Variants in NKPD1 observed in about 807,000 individuals in gnomAD.
NKPD1 encodes NTPase KAP family P-loop domain containing 1.
In NKPD1, 37 loss-of-function variants were observed where a neutral mutation model predicts 42.2. The ratio of observed to expected loss-of-function variants is 0.88; its 90% CI spans 0.67 to 1.15. The LOEUF (loss-of-function observed/expected upper bound fraction) is 1.15. Ranked by LOEUF, NKPD1 falls within the 50% of genes most tolerant of loss-of-function variation. The pLI is 0.00. For synonymous variants in NKPD1, 552 were observed against 536.5 expected (o/e 1.03, Z -0.40); for missense variants, 1,113 against 1,174.6 (o/e 0.95, Z 0.77).
At position 45,160,172 on chromosome 19, in the gene NKPD1, TG is replaced by T; in HGVS notation, c.-23del. Reference sequence around the variant, plus strand: ...GCATGGCAGCCGGGCAGCTGGGTGCTGGGGGCCTGCTCCTGAGGCAGGAGGG... The same window carrying T: ...GCATGGCAGCCGGGCAGCTGGGTGCTGGGGCCTGCTCCTGAGGCAGGAGGG... On this transcript the variant is annotated 5_prime_UTR_variant, in exon 2 of 5. Coordinates refer to ENST00000686631, the MANE Select transcript of NKPD1 (RefSeq NM_198478.4). 7.8e-7 allele frequency: 1 copy of T among 1,290,272 alleles called. No individual in the cohort carries two copies. Among genetic ancestry groups the T allele is most frequent in the Non-Finnish European group, 1.0e-6 (1 of 976,156 alleles). 79.9% of individuals were successfully genotyped at this position (1,290,272 alleles called of 1,614,324 possible). A position where few individuals can be genotyped will look rare whatever the true frequency, so the allele number is the denominator to read the frequency against.
Position 45,152,213 on chromosome 19 carries a change from AGCGCAGCAG to A in NKPD1, c.2215_2223del (p.Leu739_Arg741del). 6.2e-7 allele frequency: 1 copy of A among 1,601,544 alleles called. No individual in the cohort carries two copies. Among genetic ancestry groups the A allele is most frequent in the Non-Finnish European group, 8.5e-7 (1 of 1,175,286 alleles). On this transcript the variant is annotated inframe_deletion, in exon 5 of 5. Transcript: ENST00000686631. The stretch of plus-strand genomic sequence containing the variant: ...ATGGAGTGGTCCAGGTTGACCGTGC[AGCGCAGCAG>A]GCTCTGCGCCTCGGCCACGGTGAAG...
At position 45,155,802 on chromosome 19, in the gene NKPD1, A is replaced by G; in HGVS notation, c.644T>C (p.Met215Thr). 2 of 1,305,156 alleles carry G rather than the reference A, an allele frequency of 1.5e-6. No individual in the cohort carries two copies. The highest frequency in any genetic ancestry group is 2.0e-6 in the Non-Finnish European group (2 of 988,720). 80.8% of individuals were successfully genotyped at this position (1,305,156 alleles called of 1,614,324 possible). The change falls in exon 4 of 5, where the codon ATG becomes ACG. Residue 215 changes from methionine (M) to threonine (T), a missense_variant. Physicochemically the swap from Met to Thr is moderately conservative, Grantham distance 81. Transcript: ENST00000686631. ...CTCCTCACCCGTGATCTTGTCCAGC[A>G]TCATGTGCAGGCGGCAGCCGAAAGG... The part of the protein sequence containing the change: ...YAPFGCRLHM[M>T]LDKITALMQQ...
At chr19:45,157,011 G>A (rs535448732) in intron 3 of NKPD1, among the ~76,000 whole-genome samples, 1 of 152,318 alleles carries the variant, frequency 6.6e-6, no homozygotes, top group Admixed American at 6.5e-5. Flanking sequence ...CTGAGGCTCC[G>A]GTGACAGGGC....
intron 1 of NKPD1, among the ~76,000 whole-genome samples, 178 bp downstream of exon 1, chr19:45,160,747 C>G (rs1968989951): frequency 6.6e-6 from 1 of 151,958 alleles, no homozygotes; most frequent in African/African-American, 2.4e-5. Context: ...AGAGGCTCAG[C>G]AAACTCGGGC....
chr19:45,159,043 C>T lies in NKPD1; in HGVS notation c.149G>A (p.Arg50Gln), dbSNP rs1968958885. The T allele has an allele frequency of 3.1e-6, 4 of 1,299,598 alleles. No homozygotes were observed. The highest frequency in any genetic ancestry group is 5.6e-5 in the East Asian group (1 of 17,736). The allele number at this position is 1,299,598 out of a possible 1,614,324, so 80.5% of individuals were successfully genotyped here. ...SAALRAHGPC[R>Q]PSPQSHWQLA... ...CTGCCAGTGTGATTGGGGGGAAGGC[C>T]GACAGGGCCCATGGGCTCGGAGGGC... Residue 50 changes from arginine (R) to glutamine (Q), a missense_variant, in exon 3 of 5, where the codon CGG (arginine) becomes CAG (glutamine). Transcript: ENST00000686631.
At position 45,155,820 on chromosome 19, in the gene NKPD1, C is replaced by T; in HGVS notation, c.626G>A (p.Gly209Asp). The T allele has an allele frequency of 2.3e-6, 3 of 1,305,314 alleles. No individual in the cohort carries two copies. The highest frequency in any genetic ancestry group is 3.0e-6 in the Non-Finnish European group (3 of 988,858). 80.9% of individuals were successfully genotyped at this position (1,305,314 alleles called of 1,614,324 possible). A position where few individuals can be genotyped will look rare whatever the true frequency, so the allele number is the denominator to read the frequency against. Residue 209 changes from glycine to aspartate, a missense_variant, in exon 4 of 5, where the codon GGC (glycine) becomes GAC (aspartate). By Grantham distance (94) the Gly-to-Asp change is moderately conservative. Coordinates refer to ENST00000686631, the MANE Select transcript of NKPD1 (RefSeq NM_198478.4). ...GTCCAGCATCATGTGCAGGCGGCAG[C>T]CGAAAGGGGCATAGAAACCCACGGT... ...PVTVGFYAPF[G>D]CRLHMMLDKI...
chr19:45,154,793 G>T (rs950927098), intron 4 of NKPD1, among the ~76,000 whole-genome samples: 1 of 152,110 alleles, frequency 6.6e-6, no homozygotes, highest in Non-Finnish European at 1.5e-5. Flanking sequence ...GGGAGGCCGA[G>T]GTGGGCGGAT....
Position 45,153,251 on chromosome 19 carries a change from C to T in NKPD1, c.1186G>A (p.Val396Met), listed in dbSNP as rs769393955. Residue 396 changes from valine to methionine, a missense_variant, in exon 5 of 5, where the codon GTG becomes ATG. Val to Met is a conservative substitution (Grantham distance 21). Around this residue, in one of 3 missense-constraint regions of NKPD1, gnomAD observed 867 missense variants for 870.1 expected, o/e 1.00. Transcript: ENST00000686631. Reference sequence around the variant, plus strand: ...AACAGGTGCTTGCCCACCGAGTACACGGCCATGAGCAGCCCCGAGCCCGAC... The same window carrying T: ...AACAGGTGCTTGCCCACCGAGTACATGGCCATGAGCAGCCCCGAGCCCGAC... ...TLSGSGLLMA[V>M]YSVGKHLFVS... The T allele has an allele frequency of 1.2e-6, 2 of 1,602,738 alleles. No homozygotes were observed. The highest frequency in any genetic ancestry group is 1.7e-6 in the Non-Finnish European group (2 of 1,175,620).
At chr19:45,160,849 G>A (rs1451968825) in intron 1 of NKPD1, among the ~76,000 whole-genome samples, 76 bp downstream of exon 1, 1 of 151,898 alleles carries the variant, frequency 6.6e-6, no homozygotes, top group Admixed American at 6.6e-5. Context: ...AAGGCTGAGG[G>A]GCAGAGGAAA....
At chr19:45,157,578 A>AT (rs1212586398) in intron 3 of NKPD1, among the ~76,000 whole-genome samples, 1 of 151,878 alleles carries the variant, frequency 6.6e-6, no homozygotes, top group Non-Finnish European at 1.5e-5. Context: ...TGCTGGGCTA[A>AT]TTTTTTATTT....
chr19:45,154,593 G>A (rs1046751365), intron 4 of NKPD1, among the ~76,000 whole-genome samples: 1 of 152,186 alleles, frequency 6.6e-6, no homozygotes, highest in South Asian at 2.1e-4. Flanking sequence ...AGTGCTCAAT[G>A]GACAGTCAGT....
At position 45,152,733 on chromosome 19, in the gene NKPD1, G is replaced by A; in HGVS notation, c.1704C>T (p.Gly568=). 3 of 1,581,580 alleles carry A rather than the reference G, an allele frequency of 1.9e-6. No homozygotes were observed. Among genetic ancestry groups the A allele is most frequent in the Non-Finnish European group, 2.6e-6 (3 of 1,167,314 alleles). Residue 568 remains glycine (G), a synonymous_variant, in exon 5 of 5, where the codon GGC becomes GGT. Coordinates refer to ENST00000686631, the MANE Select transcript of NKPD1 (RefSeq NM_198478.4). ...RKPWLPGDAG[G]ESAQLLAVQA... ...GCACCGCCAGCAGCTGCGCGCTCTCGCCCCCGGCGTCCCCCGGCAGCCACG... is the reference window on the plus strand; with the variant it reads ...GCACCGCCAGCAGCTGCGCGCTCTCACCCCCGGCGTCCCCCGGCAGCCACG...
chr19:45,152,207 C>T lies in NKPD1; in HGVS notation c.2230G>A (p.Val744Ile), dbSNP rs1339230463. The change falls in exon 5 of 5, where the codon GTC (valine) becomes ATC (isoleucine). Residue 744 changes from valine to isoleucine, a missense_variant. Around this residue, in one of 3 missense-constraint regions of NKPD1, gnomAD observed 867 missense variants for 870.1 expected, o/e 1.00. Coordinates refer to ENST00000686631, the MANE Select transcript of NKPD1 (RefSeq NM_198478.4). ...AEAQSLLRCTVNLDHSIRRRM... is the reference protein window; with the variant it reads ...AEAQSLLRCTINLDHSIRRRM... Reference sequence around the variant, plus strand: ...CGGCGGATGGAGTGGTCCAGGTTGACCGTGCAGCGCAGCAGGCTCTGCGCC... The same window carrying T: ...CGGCGGATGGAGTGGTCCAGGTTGATCGTGCAGCGCAGCAGGCTCTGCGCC... 1.3e-6 allele frequency: 2 copies of T among 1,599,468 alleles called. No individual in the cohort carries two copies. Among genetic ancestry groups the T allele is most frequent in the Admixed American group, 1.7e-5 (1 of 57,686 alleles).
chr19:45,152,488 G>A lies in NKPD1; in HGVS notation c.1949C>T (p.Pro650Leu), dbSNP rs765787555. The change falls in exon 5 of 5, where the codon CCG becomes CTG. Residue 650 changes from proline to leucine, a missense_variant. Pro to Leu is a moderately conservative substitution (Grantham distance 98). Transcript: ENST00000686631. ...CACCACCCACGCCACCGCCTGGCGCGGCGTGGGGCCCCCAAAGTCCCCCTG... is the reference window on the plus strand; with the variant it reads ...CACCACCCACGCCACCGCCTGGCGCAGCGTGGGGCCCCCAAAGTCCCCCTG... ...QQQGDFGGPT[P>L]RQAVAWVVLA... The A allele has an allele frequency of 1.3e-6, 2 of 1,555,104 alleles. No homozygotes were observed. The highest frequency in any genetic ancestry group is 3.8e-5 in the Admixed American group (2 of 53,224).
chr19:45,155,023 T>TAA (rs11345601), intron 4 of NKPD1, among the ~76,000 whole-genome samples: 1 of 112,570 alleles, frequency 8.9e-6, no homozygotes, highest in Non-Finnish European at 1.8e-5. Context: ...AGACTCCATT[T>TAA]AAAAAAAAAA....
In NKPD1 at chr19:45,153,110, A is replaced by G; in HGVS notation, c.1327T>C (p.Phe443Leu). 1 of 1,575,462 alleles carries G rather than the reference A, an allele frequency of 6.3e-7. No homozygotes were observed. Among genetic ancestry groups the G allele is most frequent in the Non-Finnish European group, 8.6e-7 (1 of 1,161,232 alleles). The change falls in exon 5 of 5, where the codon TTC becomes CTC. Residue 443 changes from phenylalanine (F) to leucine (L), a missense_variant. Physicochemically the swap from Phe to Leu is conservative, Grantham distance 22 (BLOSUM62 0). Coordinates refer to ENST00000686631, the MANE Select transcript of NKPD1 (RefSeq NM_198478.4). ...CTGCGCCGCTGGTAGATCTCCAGGA[A>G]GCACAGGAAGTCGGTGAGCAGCTCC... The part of the protein sequence containing the change: ...EVELLTDFLC[F>L]LEIYQRRRLR...
At chr19:45,155,662 G>C in intron 4 of NKPD1, 123 bp downstream of exon 4, 1 of 978,708 alleles carries the variant, frequency 1.0e-6, no homozygotes, top group South Asian at 1.6e-5. Flanking sequence ...TGGGCTTGGG[G>C]AGGGCCTGGG....
chr19:45,161,863 G>T (rs913731528), upstream of NKPD1, among the ~76,000 whole-genome samples: 1 of 152,160 alleles, frequency 6.6e-6, no homozygotes, highest in Non-Finnish European at 1.5e-5. Context: ...ATGGGGATGG[G>T]GGAGGCAGCC....
At position 45,153,514 on chromosome 19, in the gene NKPD1, T is replaced by C. The variant is rs1183875577; in HGVS notation, c.923A>G (p.Tyr308Cys). Residue 308 changes from tyrosine to cysteine, a missense_variant, in exon 5 of 5, where the codon TAT becomes TGT. Transcript: ENST00000686631. ...GTACACGCTGAAGGGCAGTGCGCCA[T>C]AGTGGCGGCGGATGCCCTCGCACAA... is the stretch of plus-strand genomic sequence containing the variant. The part of the protein sequence containing the change: ...TTLCEGIRRH[Y>C]GALPFSVYSV... 3 of 1,552,516 alleles carry C rather than the reference T, an allele frequency of 1.9e-6. No individual in the cohort carries two copies. Among genetic ancestry groups the C allele is most frequent in the East Asian group, 2.4e-5 (1 of 42,326 alleles).
Sources: allele counts gnomAD v4.1 joint callset (sites outside exome capture counted in the v4.1 genomes callset), GRCh38; gene constraint gnomAD v4.1.1; regional missense constraint gnomAD v4.1.1; transcripts MANE v1.5; gene names NCBI Gene and HGNC (gene_info 2026-07-23, HGNC 2026-07-21).